VCL: variants seen among roughly 807,000 people sequenced by gnomAD.
The protein encoded by VCL is vinculin.
A neutral mutation model predicts 125.7 loss-of-function variants in VCL; 47 were observed. The ratio of observed to expected loss-of-function variants is 0.37; its 90% CI spans 0.30 to 0.48. The LOEUF is 0.48. VCL is among the 20% of genes least tolerant of loss of function. The pLI is 0.99. For missense variants in VCL, 1,069 were observed against 1,455.5 expected, an observed-to-expected ratio of 0.73 and a Z score of 4.32; for synonymous variants, 458 against 514.6, an observed-to-expected ratio of 0.89 and a Z score of 1.49.
chr10:74,110,253 A>C (rs1037228640), intron 18 of VCL, among the ~76,000 whole-genome samples: 2 of 152,216 alleles, frequency 1.3e-5, no homozygotes, highest in Admixed American at 6.5e-5. Flanking sequence ...AGGAAATTTA[A>C]ATTTCATTAC....
Position 74,094,308 on chromosome 10 carries a change from A to G in VCL, c.1390A>G (p.Lys464Glu), listed in dbSNP as rs200710859. The G allele has an allele frequency of 1.7e-5, 28 of 1,614,152 alleles. No individual in the cohort carries two copies. The East Asian group carries it at 6.0e-4, about 35-fold the overall frequency. The change falls in exon 11 of 22, where the codon AAA becomes GAA. Residue 464 changes from lysine to glutamate, a missense_variant. Lys to Glu is a moderately conservative substitution (Grantham distance 56, BLOSUM62 1). Coordinates refer to ENST00000211998, the MANE Select transcript of VCL (RefSeq NM_014000.3). ...TTCTCCAGAGGCTCGAGCCTTGGCC[A>G]AACAGGTGGCCACGGCCCTGCAGAA... ...GDSPEARALA[K>E]QVATALQNLQ...
chr10:74,062,220 C>G (rs1048596833), intron 2 of VCL, among the ~76,000 whole-genome samples: 1 of 151,456 alleles, frequency 6.6e-6, no homozygotes, highest in Non-Finnish European at 1.5e-5. Flanking sequence ...AGTGCACCAC[C>G]ACACATGGCT....
intron 1 of VCL, among the ~76,000 whole-genome samples, chr10:73,998,950 T>A (rs1266165571): frequency 6.6e-6 from 1 of 152,142 alleles, no homozygotes; most frequent in African/African-American, 2.4e-5. Context: ...CTCCCTGTAT[T>A]CCGCCCTTTT....
chr10:74,081,978 T>C (rs1011665307), intron 6 of VCL, among the ~76,000 whole-genome samples: 3 of 152,340 alleles, frequency 2.0e-5, no homozygotes, highest in Admixed American at 6.5e-5. Context: ...TTGAATATAG[T>C]GAAATATCAT....
Position 74,105,320 on chromosome 10 carries a change from GCAA to G in VCL, c.2402_2404del (p.Ala801_Lys802delinsGlu). On this transcript the variant is annotated inframe_deletion, in exon 16 of 22. Coordinates refer to ENST00000211998, the MANE Select transcript of VCL (RefSeq NM_014000.3). ...AACCATCTCCCCGATGGTGATGGAT[GCAA>G]AAGCTGTGGCTGGAAACATTTCCGA... is the stretch of plus-strand genomic sequence containing the variant. 1 of 1,612,584 alleles carries G rather than the reference GCAA, an allele frequency of 6.2e-7. No homozygotes were observed. Among genetic ancestry groups the G allele is most frequent in the South Asian group, 1.1e-5 (1 of 90,982 alleles).
chr10:74,114,999 C>T lies in VCL; in HGVS notation c.3258+100C>T, dbSNP rs188075861. On this transcript the variant is annotated intron_variant, in intron 21 of 21. Coordinates refer to ENST00000211998, the MANE Select transcript of VCL (RefSeq NM_014000.3). ...GAAATTTTACCCCTTAATTGAGTAT[C>T]GAGTATTCAGTATGTGGGATGCACT... The T allele has an allele frequency of 6.2e-5, 69 of 1,119,798 alleles. 2 individuals carry two copies. Among genetic ancestry groups the T allele is most frequent in the East Asian group, 5.7e-4 (22 of 38,760 alleles). 69.4% of individuals were successfully genotyped at this position (1,119,798 alleles called of 1,614,324 possible).
At position 74,094,104 on chromosome 10, in the gene VCL, T is replaced by A. The variant is rs578222067; in HGVS notation, c.1353-167T>A. On this transcript the variant is annotated intron_variant, in intron 10 of 21. Coordinates refer to ENST00000211998, the MANE Select transcript of VCL (RefSeq NM_014000.3). ...AGGACAAAATAATCTGAATGTAAAT[T>A]ATTAATTTCTTATGTAAGGGCCAAA... 1.5e-4 allele frequency among the ~76,000 whole-genome samples: 23 copies of A among 152,370 alleles called. No individual in the cohort carries two copies. The South Asian group carries it at 4.1e-3, about 27-fold the overall frequency.
chr10:74,107,432 A>G (rs943133781), intron 17 of VCL, 78 bp downstream of exon 17: 1 of 1,610,380 alleles, frequency 6.2e-7, no homozygotes, highest in African/African-American at 1.3e-5. Flanking sequence ...ATTGTGTTTT[A>G]GAGCCTCCAT....
At chr10:74,070,528 G>A in intron 2 of VCL, 142 bp from the exon 3 acceptor site, 1 of 1,168,776 alleles carries the variant, frequency 8.6e-7, no homozygotes, top group Non-Finnish European at 1.3e-6. Flanking sequence ...TAAAAACGTA[G>A]GTTCTATTAT....
intron 1 of VCL, among the ~76,000 whole-genome samples, chr10:74,013,972 AG>A (rs1247352550): frequency 5.9e-5 from 9 of 152,244 alleles, no homozygotes; most frequent in Admixed American, 5.9e-4. Flanking sequence ...GAAAGCTTTC[AG>A]TAGAATTCCA....
At chr10:74,060,808 CT>C (rs1158413920) in intron 2 of VCL, among the ~76,000 whole-genome samples, 3 of 151,922 alleles carry the variant, frequency 2.0e-5, no homozygotes, top group Non-Finnish European at 4.4e-5. Flanking sequence ...AATTTGTGCT[CT>C]TTTTTTCTTA....
At chr10:74,102,274 T>C (rs1217248822) in intron 14 of VCL, among the ~76,000 whole-genome samples, 7 of 151,636 alleles carry the variant, frequency 4.6e-5, no homozygotes, top group African/African-American at 1.7e-4. Flanking sequence ...TCTATAACTT[T>C]CTTTTTTCTA....
intron 14 of VCL, 96 bp downstream of exon 14, chr10:74,101,193 T>TA: frequency 2.0e-6 from 3 of 1,502,826 alleles, no homozygotes; most frequent in South Asian, 1.2e-5. Context: ...TAAGATGGCA[T>TA]AAAAAAACAT....
intron 10 of VCL, among the ~76,000 whole-genome samples, chr10:74,092,554 G>A (rs951635659): frequency 5.3e-5 from 8 of 152,238 alleles, no homozygotes; most frequent in Non-Finnish European, 8.8e-5. Flanking sequence ...CCTCTTAGTC[G>A]CTGTGTGGGA....
At position 74,097,101 on chromosome 10, in the gene VCL, T is replaced by A; in HGVS notation, c.1744-103T>A. 1 of 1,519,476 alleles carries A rather than the reference T, an allele frequency of 6.6e-7. No homozygotes were observed. The highest frequency in any genetic ancestry group is 9.0e-7 in the Non-Finnish European group (1 of 1,112,144). 94.1% of individuals were successfully genotyped at this position (1,519,476 alleles called of 1,614,324 possible). A position where few individuals can be genotyped will look rare whatever the true frequency, so the allele number is the denominator to read the frequency against. ...ACACAGTTAACAAATATTTATTGAA[T>A]GAAAGACTGAATAGATGAATGAATG... On this transcript the variant is annotated intron_variant, in intron 12 of 21. Transcript: ENST00000211998. The surrounding 1 kb of genome is among the most constrained non-coding windows in gnomAD (Gnocchi z 4.1).
chr10:73,999,098 C>T (rs192592977), intron 1 of VCL, among the ~76,000 whole-genome samples: 200 of 152,344 alleles, frequency 1.3e-3, no homozygotes, highest in African/African-American at 4.7e-3. Flanking sequence ...AGCCCTGCTG[C>T]CCTTCCTTTC....
chr10:74,070,567 G>A lies in VCL; in HGVS notation c.240-103G>A, dbSNP rs1841647658. 10 of 1,544,524 alleles carry A rather than the reference G, an allele frequency of 6.5e-6. No homozygotes were observed. In the South Asian group the frequency reaches 1.0e-4, roughly 16 times the overall value. On this transcript the variant is annotated intron_variant, in intron 2 of 21. Coordinates refer to ENST00000211998, the MANE Select transcript of VCL (RefSeq NM_014000.3). ...TTGGTCTTGGCTATTTTTCATGTAG[G>A]GAAAAAAACTGTGAATTTACATGCA...
chr10:74,084,762 G>A (rs1839740778), intron 8 of VCL, among the ~76,000 whole-genome samples: 1 of 151,658 alleles, frequency 6.6e-6, no homozygotes, highest in African/African-American at 2.4e-5. Flanking sequence ...ACAGGAATGC[G>A]CCACCATGCC....
chr10:74,099,511 C>T (rs1840018601), intron 13 of VCL, among the ~76,000 whole-genome samples: 2 of 152,116 alleles, frequency 1.3e-5, no homozygotes, highest in African/African-American at 4.8e-5. Context: ...AATCTGTTTT[C>T]GAGTGCTTTT....
Sources: gnomAD v4.1 joint callset for allele counts (sites outside exome capture counted in the v4.1 genomes callset) on GRCh38, gnomAD v4.1.1 for gene constraint, Gnocchi (gnomAD v3.1) non-coding constraint, MANE v1.5 for transcripts, NCBI Gene and HGNC (gene_info 2026-07-23, HGNC 2026-07-21) for gene names.